Variants in TGM4 observed in about 807,000 individuals in gnomAD.
TGM4 encodes the protein protein-glutamine gamma-glutamyltransferase 4.
A neutral mutation model predicts 76.3 loss-of-function variants in TGM4; 61 were observed. That is an observed-to-expected ratio of 0.80 (90% confidence interval 0.65 to 0.99). The LOEUF (loss-of-function observed/expected upper bound fraction) is 0.99, where lower values mean the gene tolerates loss of function less well. TGM4 is among the 50% of genes least tolerant of loss of function. TGM4 has a pLI of 0.00. For synonymous variants in TGM4, 337 were observed against 329.8 expected (o/e 1.02, Z -0.24); for missense variants, 794 against 843.2 (o/e 0.94, Z 0.72).
At chr3:44,888,289 T>G (rs1220818548) in intron 3 of TGM4, 1 of 162,958 alleles carries the variant, frequency 6.1e-6, no homozygotes. Context: ...TGTTCACAGT[T>G]GTCTCCAATC....
intron 9 of TGM4, 30 bp from the exon 10 acceptor site, chr3:44,906,919 T>C (rs780827822): frequency 6.2e-7 from 1 of 1,608,058 alleles, no homozygotes; most frequent in Non-Finnish European, 8.5e-7. Context: ...GGAACCCCAC[T>C]GAGAGTGACC....
chr3:44,882,205 C>A (rs1043482795), intron 1 of TGM4, among the ~76,000 whole-genome samples: 1 of 152,004 alleles, frequency 6.6e-6, no homozygotes, highest in East Asian at 1.9e-4. Flanking sequence ...CCCGAGTAAC[C>A]GGGATTACAG....
chr3:44,912,142 A>AT (rs2125761564), intron 13 of TGM4, among the ~76,000 whole-genome samples: 1 of 152,298 alleles, frequency 6.6e-6, no homozygotes, highest in East Asian at 1.9e-4. Flanking sequence ...AACAGTTTGT[A>AT]TTTTTTTAAA....
chr3:44,911,167 G>A (rs777323516), intron 12 of TGM4, 40 bp downstream of exon 12: 7 of 1,610,930 alleles, frequency 4.3e-6, no homozygotes, highest in Non-Finnish European at 5.9e-6. Context: ...CTTCTGCCTG[G>A]AAGTTGGCCA....
Position 44,887,752 on chromosome 3 carries a change from A to G in TGM4, c.257A>G (p.His86Arg), listed in dbSNP as rs1699629020. 6.2e-7 allele frequency: 1 copy of G among 1,614,152 alleles called. No individual in the cohort carries two copies. Among genetic ancestry groups the G allele is most frequent in the East Asian group, 2.2e-5 (1 of 44,880 alleles). Residue 86 changes from histidine (H) to arginine (R), a missense_variant, in exon 3 of 14, where the codon CAC becomes CGC. Coordinates refer to ENST00000296125, the MANE Select transcript of TGM4 (RefSeq NM_003241.4). ...VVLDPRTPSDHYNWQATLQNE... is the reference protein window; with the variant it reads ...VVLDPRTPSDRYNWQATLQNE... ...CTCGACCCGAGGACGCCCTCAGACC[A>G]CTACAACTGGCAGGCAACCCTTCAA...
intron 1 of TGM4, among the ~76,000 whole-genome samples, chr3:44,884,374 T>A (rs1259763678): frequency 6.6e-6 from 1 of 152,216 alleles, no homozygotes; most frequent in East Asian, 1.9e-4. Flanking sequence ...AATGTCATTA[T>A]AACAGACACA....
intron 5 of TGM4, among the ~76,000 whole-genome samples, chr3:44,895,123 G>A (rs183708539): frequency 1.3e-4 from 19 of 151,858 alleles, no homozygotes; most frequent in Non-Finnish European, 2.4e-4. Context: ...GTGAAACCCC[G>A]TCTCTACTAA....
In TGM4 at chr3:44,910,955, C is replaced by T. The variant is rs776263071; in HGVS notation, c.1607-3C>T. 1.2e-6 allele frequency: 2 copies of T among 1,613,318 alleles called. No individual in the cohort carries two copies. Among genetic ancestry groups the T allele is most frequent in the East Asian group, 2.2e-5 (1 of 44,876 alleles). Reference sequence around the variant, plus strand: ...TCTCCCCTCCACCCTGACTCTTTGGCAGTATCAGAAGTGACTCTGACCTTG... The same window carrying T: ...TCTCCCCTCCACCCTGACTCTTTGGTAGTATCAGAAGTGACTCTGACCTTG... On this transcript the variant is annotated splice_region_variant and splice_polypyrimidine_tract_variant and intron_variant, in intron 11 of 13. Coordinates refer to ENST00000296125, the MANE Select transcript of TGM4 (RefSeq NM_003241.4).
chr3:44,911,749 T>C (rs1700008726), intron 13 of TGM4, among the ~76,000 whole-genome samples: 3 of 152,354 alleles, frequency 2.0e-5, no homozygotes, highest in Admixed American at 2.0e-4. Context: ...TTTTTTCATA[T>C]TGGTATGGTG....
rs764355145 is a variant in TGM4 at position 44,901,489 on chromosome 3, G to T, written c.658-35G>T. 6 of 1,568,462 alleles carry T rather than the reference G, an allele frequency of 3.8e-6. No individual in the cohort carries two copies. In the Admixed American group the frequency reaches 7.1e-5, roughly 19 times the overall value. On this transcript the variant is annotated intron_variant, in intron 6 of 13. Coordinates refer to ENST00000296125, the MANE Select transcript of TGM4 (RefSeq NM_003241.4). ...CTGGCAGCACCTTGTTCTTCTGAGGGGCGGACACTGACCCCACCCCTACGT... is the reference window on the plus strand; with the variant it reads ...CTGGCAGCACCTTGTTCTTCTGAGGTGCGGACACTGACCCCACCCCTACGT...
At chr3:44,900,887 C>T (rs1427911878) in intron 6 of TGM4, 4 of 152,736 alleles carry the variant, frequency 2.6e-5, no homozygotes, top group Admixed American at 6.5e-5. Context: ...AGGCCACTGA[C>T]AATTTAAAAA....
chr3:44,896,755 G>A lies in TGM4; in HGVS notation c.596G>A (p.Ser199Asn). Residue 199 changes from serine (S) to asparagine (N), a missense_variant, in exon 6 of 14, where the codon AGC becomes AAC. Transcript: ENST00000296125. ...TGCTGCATTTCCCTGCTGACTGAGAGCTCCCTCAAGCCCACAGATAGGAGG... is the reference window on the plus strand; with the variant it reads ...TGCTGCATTTCCCTGCTGACTGAGAACTCCCTCAAGCCCACAGATAGGAGG... Reference protein sequence around the residue: ...LDCCISLLTESSLKPTDRRDP... With the variant: ...LDCCISLLTENSLKPTDRRDP... 2 of 1,614,172 alleles carry A rather than the reference G, an allele frequency of 1.2e-6. No homozygotes were observed. The highest frequency in any genetic ancestry group is 1.1e-5 in the South Asian group (1 of 91,080).
intron 1 of TGM4, among the ~76,000 whole-genome samples, chr3:44,876,170 G>A (rs543190549): frequency 6.6e-6 from 1 of 152,316 alleles, no homozygotes; most frequent in African/African-American, 2.4e-5. Context: ...CCCGGCGTGT[G>A]TTCATTTCAT....
intron 1 of TGM4, among the ~76,000 whole-genome samples, chr3:44,879,400 C>T (rs911533881): frequency 1.1e-4 from 17 of 150,578 alleles, no homozygotes; most frequent in South Asian, 2.1e-4. Context: ...TCTGCCTCCC[C>T]GGTTCAAGCA....
chr3:44,886,771 C>A (rs1699613504), intron 2 of TGM4, among the ~76,000 whole-genome samples: 1 of 152,196 alleles, frequency 6.6e-6, no homozygotes, highest in South Asian at 2.1e-4. Flanking sequence ...CAGTTCCTGC[C>A]TCCTAGACTT....
At chr3:44,892,916 A>G (rs1194862738) in intron 4 of TGM4, among the ~76,000 whole-genome samples, 2 of 152,126 alleles carry the variant, frequency 1.3e-5, no homozygotes, top group Non-Finnish European at 2.9e-5. Flanking sequence ...TCCTTGCTGG[A>G]TATTATGTAA....
chr3:44,900,195 C>T (rs1328545693), intron 6 of TGM4, among the ~76,000 whole-genome samples: 1 of 152,218 alleles, frequency 6.6e-6, no homozygotes, highest in African/African-American at 2.4e-5. Flanking sequence ...CGGCTTGTGT[C>T]TAGCAGGCGC....
At chr3:44,909,708 G>T (rs757533457) in intron 10 of TGM4, among the ~76,000 whole-genome samples, 1 of 152,188 alleles carries the variant, frequency 6.6e-6, no homozygotes. Flanking sequence ...GGGGAGATGG[G>T]AATCAGAATG....
chr3:44,887,876 C>A, intron 3 of TGM4, 81 bp downstream of exon 3: 2 of 1,236,476 alleles, frequency 1.6e-6, no homozygotes, highest in Non-Finnish European at 1.2e-6. Flanking sequence ...TATCCCCTTC[C>A]TCACCTGTCA....
Sources: gnomAD v4.1 joint callset for allele counts (sites outside exome capture counted in the v4.1 genomes callset) on GRCh38, gnomAD v4.1.1 for gene constraint, MANE v1.5 for transcripts, NCBI Gene and HGNC (gene_info 2026-07-23, HGNC 2026-07-21) for gene names.